The following CSMD3 variants were observed in gnomAD, a reference collection of about 807,000 sequenced individuals.
CSMD3 encodes the protein CUB and Sushi multiple domains 3, also known as CUB and sushi domain-containing protein 3.
In CSMD3, 177 loss-of-function variants were observed where a neutral mutation model predicts 435.2. That is an observed-to-expected ratio of 0.41 (90% confidence interval 0.36 to 0.46). The LOEUF (loss-of-function observed/expected upper bound fraction) is 0.46. Ranked by LOEUF, CSMD3 falls within the 20% of genes least tolerant of loss-of-function variation. The pLI is 0.34. For synonymous variants in CSMD3, 1,656 were observed against 1,520.5 expected, an observed-to-expected ratio of 1.09 and a Z score of -2.07; for missense variants, 4,265 against 4,504.6, an observed-to-expected ratio of 0.95 and a Z score of 1.52.
At chr8:113,402,580 A>G (rs1219920458) in intron 1 of CSMD3, among the ~76,000 whole-genome samples, 1 of 151,226 alleles carries the variant, frequency 6.6e-6, no homozygotes, top group Non-Finnish European at 1.5e-5. Flanking sequence ...TACAAGTGTA[A>G]ACTTCTGGCC....
chr8:113,162,273 G>A (rs547833189), intron 4 of CSMD3, among the ~76,000 whole-genome samples: 24 of 152,006 alleles, frequency 1.6e-4, no homozygotes, highest in African/African-American at 2.9e-4. Context: ...TAACAATAGC[G>A]GTTAAGAACT....
intron 38 of CSMD3, among the ~76,000 whole-genome samples, chr8:112,368,761 T>G (rs919449706): frequency 2.0e-5 from 3 of 152,162 alleles, no homozygotes; most frequent in Non-Finnish European, 4.4e-5. Context: ...TAAAATTATC[T>G]GAGGTCTACT....
chr8:112,270,225 T>C (rs916652551), intron 59 of CSMD3, among the ~76,000 whole-genome samples: 2 of 152,080 alleles, frequency 1.3e-5, no homozygotes, highest in Non-Finnish European at 2.9e-5. Context: ...CTTACCATTA[T>C]TATTAAATCA....
intron 27 of CSMD3, among the ~76,000 whole-genome samples, chr8:112,523,788 C>A (rs1408786813): frequency 6.6e-6 from 1 of 151,968 alleles, no homozygotes; most frequent in Non-Finnish European, 1.5e-5. Flanking sequence ...CATTATTAGG[C>A]CCACACTCTG....
intron 1 of CSMD3, among the ~76,000 whole-genome samples, chr8:113,405,324 A>G (rs7839252): frequency 0.76 from 115,682 of 151,322 alleles, 44,601 homozygotes; most frequent in East Asian, 0.94. Context: ...TCATTTGAGA[A>G]GTAGGCAGAC....
intron 4 of CSMD3, among the ~76,000 whole-genome samples, chr8:113,125,817 G>A (rs1219258743): frequency 6.6e-6 from 1 of 151,902 alleles, no homozygotes; most frequent in East Asian, 1.9e-4. Context: ...AGTCTGATGA[G>A]AAGGAGAGGA....
At chr8:112,411,781 A>G (rs1811380968) in intron 32 of CSMD3, among the ~76,000 whole-genome samples, 1 of 152,150 alleles carries the variant, frequency 6.6e-6, no homozygotes, top group South Asian at 2.1e-4. Flanking sequence ...AGGTGCAAAC[A>G]GCAGTAGGTC....
chr8:112,255,254 C>T lies in CSMD3; in HGVS notation c.10036G>A (p.Glu3346Lys), dbSNP rs1815669048. 2.5e-6 allele frequency: 4 copies of T among 1,610,344 alleles called. No individual in the cohort carries two copies. Among genetic ancestry groups the T allele is most frequent in the African/African-American group, 1.3e-5 (1 of 74,758 alleles). ...ATAATCAGCCTTTAATTAATATTAC[C>T]TATGCAGTGAGGTGATGAACCACTC... ...TWSGSSPHCIEPTQTSCENPG... is the reference protein window; with the variant it reads ...TWSGSSPHCIKPTQTSCENPG... Residue 3346 changes from glutamate to lysine, a missense_variant and splice_region_variant, in exon 62 of 71, where the codon GAG becomes AAG. This residue lies in a region of CSMD3 where 3,255 missense variants were observed against 3,380.2 expected (regional missense o/e 0.96). Transcript: ENST00000297405.
At chr8:112,763,497 A>G (rs1445601223) in intron 13 of CSMD3, among the ~76,000 whole-genome samples, 1 of 150,266 alleles carries the variant, frequency 6.7e-6, no homozygotes, top group East Asian at 1.9e-4. Flanking sequence ...TTATTCAAAT[A>G]ATATTTGAAC....
chr8:112,372,510 G>A (rs1165611673), intron 38 of CSMD3, among the ~76,000 whole-genome samples: 1 of 152,074 alleles, frequency 6.6e-6, no homozygotes, highest in Non-Finnish European at 1.5e-5. Flanking sequence ...AAGTTAAAAT[G>A]CCATTATCTC....
At chr8:113,175,403 A>G (rs1256764418) in intron 3 of CSMD3, among the ~76,000 whole-genome samples, 1 of 151,880 alleles carries the variant, frequency 6.6e-6, no homozygotes, top group African/African-American at 2.4e-5. Context: ...ATTGGCTAAT[A>G]TTTACTAAAC....
In CSMD3 at chr8:112,690,236, T is replaced by G. The variant is rs146898964; in HGVS notation, c.1973-186A>C. On this transcript the variant is annotated intron_variant, in intron 13 of 70. Transcript: ENST00000297405. ...GATAAAATGATCTTTAGATAATAAT[T>G]AGTATATTTCTTTCTTTTTATATAT... 3.0e-3 allele frequency among the ~76,000 whole-genome samples: 456 copies of G among 151,950 alleles called. 2 individuals carry two copies. The highest frequency in any genetic ancestry group is 5.0e-3 in the Admixed American group (76 of 15,232).
intron 20 of CSMD3, among the ~76,000 whole-genome samples, chr8:112,639,191 A>G (rs2074748120): frequency 6.6e-6 from 1 of 152,102 alleles, no homozygotes; most frequent in South Asian, 2.1e-4. Context: ...GTTTTCTGAA[A>G]ATTTCAAGAG....
intron 10 of CSMD3, among the ~76,000 whole-genome samples, chr8:112,913,497 T>C (rs534703157): frequency 2.0e-5 from 3 of 152,016 alleles, no homozygotes; most frequent in African/African-American, 7.2e-5. Flanking sequence ...AGCACTCCTT[T>C]TTTGTATAGC....
At chr8:112,327,627 G>A (rs1823628009) in intron 45 of CSMD3, among the ~76,000 whole-genome samples, 1 of 152,146 alleles carries the variant, frequency 6.6e-6, no homozygotes, top group Non-Finnish European at 1.5e-5. Flanking sequence ...AACTAAGTAT[G>A]TGTTCTTTTT....
intron 31 of CSMD3, among the ~76,000 whole-genome samples, chr8:112,492,040 T>C (rs1206350726): frequency 6.6e-6 from 1 of 152,206 alleles, no homozygotes; most frequent in African/African-American, 2.4e-5. Context: ...AAGAAATACA[T>C]ATTCTTCTTT....
intron 3 of CSMD3, among the ~76,000 whole-genome samples, chr8:113,210,137 T>C (rs952436521): frequency 1.3e-5 from 2 of 152,126 alleles, no homozygotes; most frequent in East Asian, 3.9e-4. Flanking sequence ...GTATCATATT[T>C]TGCTTTTCAC....
intron 1 of CSMD3, among the ~76,000 whole-genome samples, chr8:113,347,290 T>C (rs2094158602): frequency 6.6e-6 from 1 of 152,116 alleles, no homozygotes; most frequent in African/African-American, 2.4e-5. Context: ...TTCTTTGTAT[T>C]GTTACCCTAC....
intron 4 of CSMD3, among the ~76,000 whole-genome samples, chr8:113,141,923 G>T (rs1445047873): frequency 6.6e-6 from 1 of 150,726 alleles, no homozygotes; most frequent in Non-Finnish European, 1.5e-5. Context: ...ACTTCAGCAG[G>T]GTCTCAGAAT....
Sources: allele counts gnomAD v4.1 joint callset (sites outside exome capture counted in the v4.1 genomes callset), GRCh38; gene constraint gnomAD v4.1.1; regional missense constraint gnomAD v4.1.1; transcripts MANE v1.5; gene names NCBI Gene and HGNC (gene_info 2026-07-23, HGNC 2026-07-21).